The following PPP3CC variants were observed in gnomAD, a reference collection of about 807,000 sequenced individuals.
PPP3CC encodes serine/threonine-protein phosphatase 2B catalytic subunit gamma isoform.
PPP3CC carries 35 observed loss-of-function variants against 60.3 expected under a neutral mutation model. The ratio of observed to expected loss-of-function variants is 0.58; its 90% CI spans 0.44 to 0.77. The LOEUF (loss-of-function observed/expected upper bound fraction) is 0.77, where lower values mean the gene tolerates loss of function less well. Ranked by LOEUF, PPP3CC falls within the 30% of genes least tolerant of loss-of-function variation. The pLI is 0.00. For missense variants in PPP3CC, 570 were observed against 628.9 expected (o/e 0.91, Z 1.00); for synonymous variants, 206 against 224.3 (o/e 0.92, Z 0.73).
intron 1 of PPP3CC, among the ~76,000 whole-genome samples, chr8:22,442,235 G>C (rs922804416): frequency 1.3e-5 from 2 of 152,270 alleles, no homozygotes; most frequent in South Asian, 2.1e-4. Context: ...TTATTCAGCC[G>C]TAAGTCTTAG....
chr8:22,486,712 C>G (rs1019610164), intron 3 of PPP3CC, among the ~76,000 whole-genome samples: 7 of 150,908 alleles, frequency 4.6e-5, no homozygotes, highest in South Asian at 2.1e-4. Flanking sequence ...CATCTCCAGA[C>G]TTGATGTGTT....
intron 1 of PPP3CC, among the ~76,000 whole-genome samples, chr8:22,447,921 A>G (rs1346088592): frequency 6.6e-6 from 1 of 152,198 alleles, no homozygotes; most frequent in Non-Finnish European, 1.5e-5. Flanking sequence ...AAGATAATGT[A>G]TTTCTTTGAT....
At chr8:22,446,809 A>G in intron 1 of PPP3CC, among the ~76,000 whole-genome samples, 1 of 148,614 alleles carries the variant, frequency 6.7e-6, no homozygotes, top group Admixed American at 6.6e-5. Flanking sequence ...CTGTCTCAAA[A>G]AAAAAAAAAA....
chr8:22,479,120 C>T (rs1415241838), intron 3 of PPP3CC, among the ~76,000 whole-genome samples: 1 of 152,012 alleles, frequency 6.6e-6, no homozygotes. Context: ...TGCAAGTATA[C>T]ACTTGAAAAA....
intron 9 of PPP3CC, 66 bp from the exon 10 acceptor site, chr8:22,528,440 T>G (rs756245798): frequency 6.5e-5 from 68 of 1,047,728 alleles, no homozygotes; most frequent in Admixed American, 3.8e-4. Context: ...TATTTAGATA[T>G]CCACATTATT....
chr8:22,539,321 C>A, intron 12 of PPP3CC, 148 bp from the exon 13 acceptor site: 2 of 592,538 alleles, frequency 3.4e-6, no homozygotes, highest in African/African-American at 3.8e-5. Flanking sequence ...ATAATCTTCT[C>A]GCTTCTCTAA....
At chr8:22,445,644 G>T (rs1356831671) in intron 1 of PPP3CC, among the ~76,000 whole-genome samples, 3 of 152,078 alleles carry the variant, frequency 2.0e-5, no homozygotes. Flanking sequence ...GCATGGAAAT[G>T]GTTTTAGAGT....
At chr8:22,499,377 TGCA>T (rs1174236479) in intron 4 of PPP3CC, among the ~76,000 whole-genome samples, 9 of 146,770 alleles carry the variant, frequency 6.1e-5, no homozygotes, top group Non-Finnish European at 1.5e-5. Flanking sequence ...AAGCGGAGCT[TGCA>T]GTGAGCCGAG....
At chr8:22,445,328 G>A (rs1206323707) in intron 1 of PPP3CC, among the ~76,000 whole-genome samples, 1 of 151,976 alleles carries the variant, frequency 6.6e-6, no homozygotes, top group East Asian at 1.9e-4. Context: ...ACTCTCCCCC[G>A]ACTCTCCCTT....
chr8:22,499,070 G>C (rs1838681117), intron 4 of PPP3CC, among the ~76,000 whole-genome samples: 1 of 151,628 alleles, frequency 6.6e-6, no homozygotes, highest in African/African-American at 2.4e-5. Flanking sequence ...GTTGTGGTGA[G>C]ATCCTGCCAC....
At chr8:22,494,789 A>C (rs1005718266) in intron 3 of PPP3CC, among the ~76,000 whole-genome samples, 1 of 152,100 alleles carries the variant, frequency 6.6e-6, no homozygotes, top group East Asian at 1.9e-4. Flanking sequence ...TTCATAGTCT[A>C]TTTAGTGCCT....
chr8:22,452,038 G>GTTTTTTTTT (rs1563673597), intron 1 of PPP3CC, among the ~76,000 whole-genome samples: 12 of 148,476 alleles, frequency 8.1e-5, no homozygotes, highest in Non-Finnish European at 1.0e-4. Context: ...TTTTTTAACA[G>GTTTTTTTTT]TTTTAGAGAT....
chr8:22,532,980 T>A lies in PPP3CC; in HGVS notation c.1283T>A (p.Leu428Gln). The A allele has an allele frequency of 6.2e-7, 1 of 1,606,518 alleles. No individual in the cohort carries two copies. Among genetic ancestry groups the A allele is most frequent in the Non-Finnish European group, 8.5e-7 (1 of 1,176,162 alleles). The change falls in exon 12 of 14, where the codon CTG (leucine) becomes CAG (glutamine). Residue 428 changes from leucine (L) to glutamine (Q), a missense_variant. Leu to Gln is a moderately radical substitution (Grantham distance 113, BLOSUM62 -2). Transcript: ENST00000240139. Reference sequence around the variant, plus strand: ...CTGACTCCCACAGGCACACTCCCTCTGGGCGTCCTCTCAGGAGGCAAGCAG... The same window carrying A: ...CTGACTCCCACAGGCACACTCCCTCAGGGCGTCCTCTCAGGAGGCAAGCAG... ...KGLTPTGTLP[L>Q]GVLSGGKQTI...
At chr8:22,469,961 G>T (rs1217584192) in intron 1 of PPP3CC, among the ~76,000 whole-genome samples, 2 of 97,150 alleles carry the variant, frequency 2.1e-5, no homozygotes, top group African/African-American at 5.2e-5. Flanking sequence ...TTTGCTCAAA[G>T]ACATATATAT....
At position 22,498,052 on chromosome 8, in the gene PPP3CC, C is replaced by T; in HGVS notation, c.424C>T (p.Leu142=). ...GATTAATCATCCCAAAACATTGTTT[C>T]TGCTTCGGGGAAATCATGAATGCAG... ...LKINHPKTLF[L]LRGNHECRHL... Residue 142 remains leucine (L), a synonymous_variant, in exon 4 of 14, where the codon CTG becomes TTG. Coordinates refer to ENST00000240139, the MANE Select transcript of PPP3CC (RefSeq NM_005605.5). 2.5e-6 allele frequency: 4 copies of T among 1,613,482 alleles called. No homozygotes were observed. The South Asian group carries it at 4.4e-5, about 18-fold the overall frequency.
intron 3 of PPP3CC, among the ~76,000 whole-genome samples, chr8:22,476,517 A>G (rs1837891622): frequency 6.6e-6 from 1 of 152,202 alleles, no homozygotes; most frequent in Non-Finnish European, 1.5e-5. Context: ...AATGCAAGTC[A>G]GCTCTCTCAC....
At chr8:22,533,832 A>C (rs1476210274) in intron 12 of PPP3CC, among the ~76,000 whole-genome samples, 1 of 151,982 alleles carries the variant, frequency 6.6e-6, no homozygotes, top group African/African-American at 2.4e-5. Flanking sequence ...CTCAAAAAAA[A>C]CCAAAGTGAC....
chr8:22,508,309 A>G (rs1263652397), intron 4 of PPP3CC, among the ~76,000 whole-genome samples: 38 of 152,214 alleles, frequency 2.5e-4, no homozygotes, highest in Admixed American at 2.5e-3. Context: ...TAAAGATTAC[A>G]TATTCATCAT....
chr8:22,530,252 G>T (rs541858752), intron 10 of PPP3CC, among the ~76,000 whole-genome samples: 1 of 151,986 alleles, frequency 6.6e-6, no homozygotes. Flanking sequence ...AAGAAAAACC[G>T]AATATCCCCC....
Sources: gnomAD v4.1 joint callset for allele counts (sites outside exome capture counted in the v4.1 genomes callset) on GRCh38, gnomAD v4.1.1 for gene constraint, MANE v1.5 for transcripts, NCBI Gene and HGNC (gene_info 2026-07-23, HGNC 2026-07-21) for gene names.